Variants in FRMPD3 observed in about 807,000 individuals in gnomAD.
The protein encoded by FRMPD3 is FERM and PDZ domain-containing protein 3.
In FRMPD3, 42 loss-of-function variants were observed where a neutral mutation model predicts 97.9. The observed-to-expected ratio is 0.43, with a 90% CI of 0.34 to 0.55. FRMPD3 has a LOEUF of 0.55. Ranked by LOEUF, FRMPD3 falls within the 20% of genes least tolerant of loss-of-function variation. The pLI is 0.03. For synonymous variants in FRMPD3, 577 were observed against 581.1 expected, an observed-to-expected ratio of 0.99 and a Z score of 0.10; for missense variants, 1,303 against 1,457.7, an observed-to-expected ratio of 0.89 and a Z score of 1.73.
rs772906595 is a variant in FRMPD3, at chrX:107,602,468, C to T, written c.4429C>T (p.Arg1477Trp). ...AVFSLPEEVY[R>W]KPAELDEDSE... is the part of the protein sequence containing the mutation. The stretch of plus-strand genomic sequence containing the variant: ...GTTCTCACTGCCCGAGGAGGTGTAC[C>T]GGAAGCCTGCCGAGCTAGACGAGGA... Residue 1477 changes from arginine to tryptophan, a missense_variant, in exon 15 of 15, where the codon CGG becomes TGG. Around this residue, in one of 3 missense-constraint regions of FRMPD3, gnomAD observed 764 missense variants for 820.2 expected, o/e 0.93. Transcript: ENST00000683843. 33 of 1,210,061 alleles carry T rather than the reference C, an allele frequency of 2.7e-5. No individual in the cohort carries two copies. Among genetic ancestry groups the T allele is most frequent in the Non-Finnish European group, 3.1e-5 (28 of 895,226 alleles).
chrX:107,528,478 G>A (rs1922790924), intron 2 of FRMPD3, among the ~76,000 whole-genome samples: 1 of 111,700 alleles, frequency 9.0e-6, no homozygotes, highest in Non-Finnish European at 1.9e-5. Flanking sequence ...CTCCACCTAA[G>A]AGACTGACAT....
At chrX:107,461,773 ACATAT>A (rs1931478236) in intron 1 of FRMPD3, among the ~76,000 whole-genome samples, 1 of 103,894 alleles carries the variant, frequency 9.6e-6, no homozygotes, top group Admixed American at 1.1e-4. Flanking sequence ...ATATACATAT[ACATAT>A]ACATATACAT....
chrX:107,473,821 C>T (rs1026065630), intron 1 of FRMPD3, among the ~76,000 whole-genome samples: 1 of 112,608 alleles, frequency 8.9e-6, no homozygotes, highest in Non-Finnish European at 1.9e-5. Context: ...TGGTGGCTCA[C>T]GCCTGTAATC....
intron 1 of FRMPD3, among the ~76,000 whole-genome samples, chrX:107,468,856 T>C (rs1931620546): frequency 8.9e-6 from 1 of 112,760 alleles, no homozygotes. Flanking sequence ...TAGTCTTCTC[T>C]TTGGAATTTC....
At position 107,602,049 on chromosome X, in the gene FRMPD3, C is replaced by G; in HGVS notation, c.4010C>G (p.Ala1337Gly). Residue 1337 changes from alanine (A) to glycine (G), a missense_variant, in exon 15 of 15, where the codon GCT (alanine) becomes GGT (glycine). Ala to Gly is a moderately conservative substitution (Grantham distance 60, BLOSUM62 0). This residue lies in a region of FRMPD3 where 764 missense variants were observed against 820.2 expected (regional missense o/e 0.93). Coordinates refer to ENST00000683843, the MANE Select transcript of FRMPD3 (RefSeq NM_001388459.1). ...RVLPSQRQPE[A>G]GPGVSLSSPI... ...CTCCCTAGCCAGAGGCAGCCAGAGG[C>G]TGGCCCAGGCGTGAGCCTCAGCAGC... 8.4e-7 allele frequency: 1 copy of G among 1,188,498 alleles called. No homozygotes were observed. The highest frequency in any genetic ancestry group is 1.9e-5 in the South Asian group (1 of 52,823).
chrX:107,490,914 G>C (rs1421208919), intron 1 of FRMPD3, among the ~76,000 whole-genome samples: 1 of 112,067 alleles, frequency 8.9e-6, no homozygotes, highest in Non-Finnish European at 1.9e-5. Flanking sequence ...TGACTAGCTA[G>C]CTGGTTGATA....
In FRMPD3 at chrX:107,601,294, C is replaced by T. The variant is rs766873031; in HGVS notation, c.3255C>T (p.Gly1085=). The part of the protein sequence containing the change: ...KQATGEVAGK[G]GPVGGKPTLQ... ...CTACAGGGGAGGTGGCAGGCAAAGG[C>T]GGGCCAGTGGGTGGTAAGCCCACCC... is the stretch of plus-strand genomic sequence containing the variant. The change falls in exon 15 of 15, where the codon GGC becomes GGT. Residue 1085 remains glycine, a synonymous_variant. Transcript: ENST00000683843. 3.1e-5 allele frequency: 37 copies of T among 1,206,403 alleles called. No homozygotes were observed. The African/African-American group carries it at 3.3e-4, about 11-fold the overall frequency.
intron 1 of FRMPD3, among the ~76,000 whole-genome samples, chrX:107,499,800 T>C (rs1187093505): frequency 8.1e-5 from 9 of 111,568 alleles, no homozygotes; most frequent in Non-Finnish European, 7.5e-5. Context: ...GACTAGACAA[T>C]TGGTCTTAGA....
chrX:107,553,007 T>G (rs1921930225), intron 7 of FRMPD3, 81 bp downstream of exon 7: 1 of 992,318 alleles, frequency 1.0e-6, no homozygotes, highest in Non-Finnish European at 1.4e-6. Context: ...CTGGAAAATT[T>G]ATAATGATAT....
chrX:107,569,193 G>C (rs544920911), intron 12 of FRMPD3, among the ~76,000 whole-genome samples: 1 of 108,818 alleles, frequency 9.2e-6, no homozygotes, highest in South Asian at 4.1e-4. Context: ...TATTCTGGAG[G>C]CTGAGGCAGG....
chrX:107,465,714 A>C (rs1931548110), intron 1 of FRMPD3, among the ~76,000 whole-genome samples: 1 of 111,439 alleles, frequency 9.0e-6, no homozygotes, highest in Admixed American at 9.5e-5. Flanking sequence ...ATCCAGTCTA[A>C]CCATCACTGC....
At chrX:107,461,181 C>T (rs1054898401) in intron 1 of FRMPD3, among the ~76,000 whole-genome samples, 2 of 111,973 alleles carry the variant, frequency 1.8e-5, no homozygotes, top group Admixed American at 9.4e-5. Context: ...GGCCTTTAAC[C>T]GGAGCTCCAG....
chrX:107,488,931 C>T (rs1276696334), intron 1 of FRMPD3, among the ~76,000 whole-genome samples: 1 of 106,435 alleles, frequency 9.4e-6, no homozygotes. Flanking sequence ...GTGTGCTGCA[C>T]CCATTAACTC....
intron 10 of FRMPD3, among the ~76,000 whole-genome samples, chrX:107,562,481 G>T (rs1386779891): frequency 8.9e-6 from 1 of 112,516 alleles, no homozygotes; most frequent in Non-Finnish European, 1.9e-5. Flanking sequence ...AGGTAACCTG[G>T]CTGTCACCCT....
At chrX:107,506,042 C>T (rs947785086) in intron 1 of FRMPD3, among the ~76,000 whole-genome samples, 5 of 112,278 alleles carry the variant, frequency 4.5e-5, no homozygotes, top group African/African-American at 1.6e-4. Flanking sequence ...ACTGCTGCAC[C>T]GTCACCCCCT....
chrX:107,539,181 A>G (rs184724760), intron 4 of FRMPD3, among the ~76,000 whole-genome samples: 1 of 112,500 alleles, frequency 8.9e-6, no homozygotes, highest in East Asian at 2.8e-4. Context: ...TGATTCTGAT[A>G]TGGAGTCTCT....
At chrX:107,508,670 C>A (rs1280706234) in intron 1 of FRMPD3, among the ~76,000 whole-genome samples, 3 of 96,759 alleles carry the variant, frequency 3.1e-5, no homozygotes, top group South Asian at 9.6e-4. Flanking sequence ...CCCTCCTCCC[C>A]CAAGCCAGTT....
chrX:107,511,321 C>T (rs1304612483), intron 1 of FRMPD3, among the ~76,000 whole-genome samples: 1 of 112,409 alleles, frequency 8.9e-6, no homozygotes, highest in African/African-American at 3.2e-5. Context: ...GGCCTGTTCT[C>T]AGTGCCCTCC....
At chrX:107,583,246 C>G (rs1000840193) in intron 13 of FRMPD3, among the ~76,000 whole-genome samples, 1 of 110,003 alleles carries the variant, frequency 9.1e-6, no homozygotes, top group African/African-American at 3.3e-5. Flanking sequence ...CTCGCTCCCC[C>G]ACCCCCAACA....
Sources: gnomAD v4.1 joint callset for allele counts (sites outside exome capture counted in the v4.1 genomes callset) on GRCh38, gnomAD v4.1.1 for gene constraint, gnomAD v4.1.1 regional missense constraint, MANE v1.5 for transcripts, NCBI Gene and HGNC (gene_info 2026-07-23, HGNC 2026-07-21) for gene names.